HSPA4: variants seen among roughly 807,000 people sequenced by gnomAD.
The protein encoded by HSPA4 is heat shock 70 kDa protein 4.
HSPA4 carries 25 observed loss-of-function variants against 106.2 expected under a neutral mutation model. The ratio of observed to expected loss-of-function variants is 0.24; its 90% confidence interval spans 0.17 to 0.33. HSPA4 has a LOEUF of 0.33. Ranked by LOEUF, HSPA4 falls within the 10% of genes least tolerant of loss-of-function variation. HSPA4 has a pLI of 1.00. For synonymous variants in HSPA4, 332 were observed against 333.6 expected (o/e 1.00, Z 0.05); for missense variants, 841 against 996.0 (o/e 0.84, Z 2.10).
chr5:133,089,516 T>C (rs373851821), intron 10 of HSPA4, 46 bp from the exon 11 acceptor site: 1 of 1,587,324 alleles, frequency 6.3e-7, no homozygotes, highest in South Asian at 1.1e-5. Context: ...GGTAAAAGTG[T>C]TAGGAATATC....
chr5:133,069,185 CATTTG>C (rs1325865701), intron 3 of HSPA4, among the ~76,000 whole-genome samples: 1 of 152,054 alleles, frequency 6.6e-6, no homozygotes, highest in Non-Finnish European at 1.5e-5. Context: ...ACTGTTATCA[CATTTG>C]CAGACTTTTA....
Position 133,088,392 on chromosome 5 carries a change from C to G in HSPA4, c.986-12C>G, listed in dbSNP as rs371649162. The G allele has an allele frequency of 1.5e-5, 24 of 1,562,222 alleles. No individual in the cohort carries two copies. Among genetic ancestry groups the G allele is most frequent in the Non-Finnish European group, 2.1e-5 (24 of 1,136,926 alleles). ...TTTCATTAAAAAAATCTGTCTAATT[C>G]TTTAAAAATAGAGTTAAAGAAAGAA... On this transcript the variant is annotated splice_polypyrimidine_tract_variant and intron_variant, in intron 8 of 18. Coordinates refer to ENST00000304858, the MANE Select transcript of HSPA4 (RefSeq NM_002154.4).
chr5:133,088,978 T>C, intron 9 of HSPA4, 77 bp from the exon 10 acceptor site: 2 of 671,874 alleles, frequency 3.0e-6, no homozygotes, highest in South Asian at 2.5e-5. Flanking sequence ...TCTGAAGTAA[T>C]TTGTATGTTT....
chr5:133,055,832 C>G (rs1457661447), intron 1 of HSPA4, among the ~76,000 whole-genome samples: 1 of 152,120 alleles, frequency 6.6e-6, no homozygotes, highest in Admixed American at 6.5e-5. Flanking sequence ...AATCCCAGCA[C>G]TCTGGGAGGC....
At chr5:133,091,007 CTG>C (rs1581478232) in intron 11 of HSPA4, 184 bp from the exon 12 acceptor site, 10 of 684,626 alleles carry the variant, frequency 1.5e-5, no homozygotes, top group South Asian at 4.5e-5. Context: ...TAATAAGAGA[CTG>C]TGAAAGAAGA....
intron 3 of HSPA4, among the ~76,000 whole-genome samples, chr5:133,069,104 A>G (rs1440749080): frequency 6.6e-6 from 1 of 152,160 alleles, no homozygotes; most frequent in South Asian, 2.1e-4. Context: ...TCTGGATTGT[A>G]ATTTGGGAAT....
At chr5:133,058,852 G>A (rs531819839) in intron 1 of HSPA4, among the ~76,000 whole-genome samples, 1 of 152,100 alleles carries the variant, frequency 6.6e-6, no homozygotes, top group East Asian at 1.9e-4. Flanking sequence ...AATTGGCCGG[G>A]TGTGGTGGCT....
Position 133,052,115 on chromosome 5 carries a change from G to A in HSPA4, c.-136G>A. 1.6e-6 allele frequency: 1 copy of A among 626,978 alleles called. No homozygotes were observed. The highest frequency in any genetic ancestry group is 2.8e-6 in the Non-Finnish European group (1 of 357,382). 38.8% of individuals were successfully genotyped at this position (626,978 alleles called of 1,614,324 possible). ...TGCAGTACCCACTGGAAGGACTTAG[G>A]CGCTCGCGTGGACACCGCAAGCCCC... On this transcript the variant is annotated 5_prime_UTR_variant, in exon 1 of 19. Coordinates refer to ENST00000304858, the MANE Select transcript of HSPA4 (RefSeq NM_002154.4).
intron 7 of HSPA4, among the ~76,000 whole-genome samples, chr5:133,080,127 A>G (rs1765495518): frequency 1.3e-5 from 2 of 151,098 alleles, no homozygotes; most frequent in South Asian, 4.2e-4. Flanking sequence ...TTTTCTTGAA[A>G]GTCCATTTGG....
At chr5:133,053,093 C>T (rs1347335144) in intron 1 of HSPA4, 5 of 152,190 alleles carry the variant, frequency 3.3e-5, no homozygotes, top group Admixed American at 2.0e-4. Context: ...GCATTCTAAC[C>T]AGTGTGTTGG....
chr5:133,097,464 A>G (rs1187470582), intron 15 of HSPA4, among the ~76,000 whole-genome samples, 178 bp downstream of exon 15: 9 of 151,782 alleles, frequency 5.9e-5, no homozygotes, highest in Non-Finnish European at 1.2e-4. Flanking sequence ...GTGTTTAGTA[A>G]GGTTTGGTCT....
intron 16 of HSPA4, 120 bp from the exon 17 acceptor site, chr5:133,101,639 T>C: frequency 1.1e-6 from 1 of 893,204 alleles, no homozygotes; most frequent in South Asian, 1.6e-5. Flanking sequence ...CCTGGAGAAA[T>C]ATATTTAACT....
rs562950664 is a variant in HSPA4, at chr5:133,077,808, T to G, written c.908+910T>G. 3.9e-5 allele frequency among the ~76,000 whole-genome samples: 6 copies of G among 152,268 alleles called. No individual in the cohort carries two copies. The South Asian group carries it at 1.2e-3, about 32-fold the overall frequency. ...AAAAAATTGAAATGGTGTTTATTGTTGCTTTGTATCCAAATTTTTAGTCAC... is the reference window on the plus strand; with the variant it reads ...AAAAAATTGAAATGGTGTTTATTGTGGCTTTGTATCCAAATTTTTAGTCAC... On this transcript the variant is annotated intron_variant, in intron 7 of 18. Transcript: ENST00000304858.
chr5:133,086,143 A>G (rs929465413), intron 7 of HSPA4, among the ~76,000 whole-genome samples: 1 of 152,174 alleles, frequency 6.6e-6, no homozygotes, highest in African/African-American at 2.4e-5. Context: ...CTCACTGCTG[A>G]GGTTGCAGTG....
At chr5:133,057,451 C>G (rs1765180590) in intron 1 of HSPA4, among the ~76,000 whole-genome samples, 1 of 151,194 alleles carries the variant, frequency 6.6e-6, no homozygotes, top group Non-Finnish European at 1.5e-5. Context: ...CTCCGCCTTT[C>G]AGGCTCAAGC....
intron 1 of HSPA4, among the ~76,000 whole-genome samples, chr5:133,058,744 G>A (rs1292988999): frequency 6.6e-6 from 1 of 152,146 alleles, no homozygotes; most frequent in African/African-American, 2.4e-5. Context: ...TGTAATCCCA[G>A]CACTTTGGGA....
rs1561584534 is a variant in HSPA4, at chr5:133,091,034, GA to G, written c.1379-158del. ...GTGAAAGAAGAAAGAGAAATCTGAT[GA>G]TTTAATAAGATTCTAAAAGGACCGA... On this transcript the variant is annotated intron_variant, in intron 11 of 18. Transcript: ENST00000304858. 4 of 725,918 alleles carry G rather than the reference GA, an allele frequency of 5.5e-6. No individual in the cohort carries two copies. In the African/African-American group the frequency reaches 7.0e-5, roughly 13 times the overall value. 45.0% of individuals were successfully genotyped at this position (725,918 alleles called of 1,614,324 possible).
At chr5:133,095,266 C>T (rs2126714311) in intron 13 of HSPA4, among the ~76,000 whole-genome samples, 1 of 152,254 alleles carries the variant, frequency 6.6e-6, no homozygotes, top group South Asian at 2.1e-4. Flanking sequence ...TGTGCCATTG[C>T]ACTCCAGCCT....
In HSPA4 at chr5:133,105,186, A is replaced by T. The variant is rs1177850764; in HGVS notation, c.*750A>T. ...TAGAATTGGGTAGATATACTGTTGG[A>T]TATAGCCATGGTAAATTTAACTGAG... On this transcript the variant is annotated 3_prime_UTR_variant, in exon 19 of 19. Coordinates refer to ENST00000304858, the MANE Select transcript of HSPA4 (RefSeq NM_002154.4). 2 of 152,214 alleles carry T rather than the reference A, an allele frequency of 1.3e-5. No individual in the cohort carries two copies. The highest frequency in any genetic ancestry group is 1.3e-4 in the Admixed American group (2 of 15,274). The allele number at this position is 152,214 out of a possible 1,614,324, so 9.4% of individuals were successfully genotyped here. A position where few individuals can be genotyped will look rare whatever the true frequency, so the allele number is the denominator to read the frequency against.
Sources: allele counts gnomAD v4.1 joint callset (sites outside exome capture counted in the v4.1 genomes callset), GRCh38; gene constraint gnomAD v4.1.1; transcripts MANE v1.5; gene names NCBI Gene and HGNC (gene_info 2026-07-23, HGNC 2026-07-21).